VWF: variants seen among roughly 807,000 people sequenced by gnomAD.
The protein encoded by VWF is von Willebrand factor, also known as Factor VIII related antigen.
A neutral mutation model predicts 308.6 loss-of-function variants in VWF; 176 were observed. That is an observed-to-expected ratio of 0.57 (90% CI 0.50 to 0.65). The LOEUF (loss-of-function observed/expected upper bound fraction) is 0.65. VWF is among the 30% of genes least tolerant of loss of function. The pLI is 0.00. For missense variants in VWF, 3,146 were observed against 3,648.2 expected (o/e 0.86, Z 3.55); for synonymous variants, 1,385 against 1,443.4 (o/e 0.96, Z 0.92).
In VWF at chr12:5,992,644, A is replaced by G. The variant is rs371971688; in HGVS notation, c.6599-626T>C. Among the ~76,000 whole-genome samples, 4 of 152,322 alleles carry G rather than the reference A, an allele frequency of 2.6e-5. 1 individual carries two copies. On this transcript the variant is annotated intron_variant, in intron 37 of 51. Coordinates refer to ENST00000261405, the MANE Select transcript of VWF (RefSeq NM_000552.5). ...CATATGTCTTTTATGCTTGAAAAGCATCTTTAAATTAGGAATACACAGCTT... is the reference window on the plus strand; with the variant it reads ...CATATGTCTTTTATGCTTGAAAAGCGTCTTTAAATTAGGAATACACAGCTT...
intron 17 of VWF, among the ~76,000 whole-genome samples, chr12:6,045,997 C>G (rs937405205): frequency 6.6e-6 from 1 of 152,094 alleles, no homozygotes; most frequent in Non-Finnish European, 1.5e-5. Context: ...CCGAGGCAGG[C>G]AGATCACTTG....
At chr12:6,096,215 C>G (rs1344761421) in intron 5 of VWF, among the ~76,000 whole-genome samples, 1 of 152,088 alleles carries the variant, frequency 6.6e-6, no homozygotes, top group Non-Finnish European at 1.5e-5. Context: ...TGCCCTTTCC[C>G]TGTCACTTCT....
chr12:5,971,014 G>A (rs1258519141), intron 44 of VWF, among the ~76,000 whole-genome samples: 1 of 152,238 alleles, frequency 6.6e-6, no homozygotes, highest in Non-Finnish European at 1.5e-5. Flanking sequence ...GGGGACAGCT[G>A]AACTGCTCTG....
At chr12:6,111,089 A>G in intron 3 of VWF, 121 bp from the exon 4 acceptor site, 1 of 855,928 alleles carries the variant, frequency 1.2e-6, no homozygotes, top group East Asian at 2.7e-5. Context: ...AAGTCTTTAC[A>G]AGCGAGCAAC....
chr12:6,073,055 C>T (rs1055704294), intron 8 of VWF, among the ~76,000 whole-genome samples: 2 of 152,000 alleles, frequency 1.3e-5, no homozygotes, highest in South Asian at 2.1e-4. Context: ...TTAGTGGAGA[C>T]GGGATTTCAC....
chr12:6,033,075 C>G (rs544507625), intron 20 of VWF, among the ~76,000 whole-genome samples: 39 of 152,326 alleles, frequency 2.6e-4, no homozygotes, highest in Admixed American at 6.5e-4. Context: ...TACATATGTC[C>G]ATACAACACA....
At chr12:6,099,764 C>T (rs1414718928) in intron 5 of VWF, among the ~76,000 whole-genome samples, 8 of 151,986 alleles carry the variant, frequency 5.3e-5, no homozygotes, top group Admixed American at 6.6e-5. Flanking sequence ...AAGACTTAAA[C>T]GTTAGACCTA....
chr12:6,019,777 A>C lies in VWF; in HGVS notation c.3675-34T>G, dbSNP rs1289523469. 2.5e-6 allele frequency: 4 copies of C among 1,583,168 alleles called. No homozygotes were observed. Among genetic ancestry groups the C allele is most frequent in the Non-Finnish European group, 2.6e-6 (3 of 1,165,766 alleles). ...AAGAGCGAAGAAATTAAAATGGTTC[A>C]GGAAGAACCTGTGGACACTTCTGAG... is the stretch of plus-strand genomic sequence containing the variant. On this transcript the variant is annotated intron_variant, in intron 27 of 51. Transcript: ENST00000261405. The surrounding 1 kb of genome is among the most constrained non-coding windows in gnomAD (Gnocchi z 5.8).
At chr12:6,115,823 A>G (rs966250152) in intron 3 of VWF, among the ~76,000 whole-genome samples, 1 of 152,226 alleles carries the variant, frequency 6.6e-6, no homozygotes, top group Middle Eastern at 3.4e-3. Context: ...TGACAACCCA[A>G]AATGTCTCCA....
Position 5,971,484 on chromosome 12 carries a change from T to G in VWF, c.7548+115A>C. On this transcript the variant is annotated intron_variant, in intron 44 of 51. Coordinates refer to ENST00000261405, the MANE Select transcript of VWF (RefSeq NM_000552.5). ...CATCTGGATAACACCAACAGCTGGG[T>G]GAAATGCCCAGTGGGGAAAGCAAAG... 7 of 847,878 alleles carry G rather than the reference T, an allele frequency of 8.3e-6. No homozygotes were observed. In the Admixed American group the frequency reaches 1.3e-4, roughly 16 times the overall value. The allele number at this position is 847,878 out of a possible 1,614,324, so 52.5% of individuals were successfully genotyped here. A position where few individuals can be genotyped will look rare whatever the true frequency, so the allele number is the denominator to read the frequency against.
rs1271236214 is a variant in VWF, at chr12:6,025,958, A to G, written c.3056T>C (p.Val1019Ala). 6.2e-7 allele frequency: 1 copy of G among 1,613,884 alleles called. No individual in the cohort carries two copies. The highest frequency in any genetic ancestry group is 1.3e-5 in the African/African-American group (1 of 74,932). ...CACTTTCCAGGAGTTCCCAAAGTCC[A>G]CAGGGTCTTCCTCCACTTGGAGGTT... is the stretch of plus-strand genomic sequence containing the variant. ...SSNLQVEEDP[V>A]DFGNSWKVSS... The change falls in exon 23 of 52, where the codon GTG (valine) becomes GCG (alanine). Residue 1019 changes from valine to alanine, a missense_variant. This residue lies in a region of VWF where 853 missense variants were observed against 1,177.8 expected (regional missense o/e 0.72). Coordinates refer to ENST00000261405, the MANE Select transcript of VWF (RefSeq NM_000552.5).
intron 48 of VWF, 33 bp downstream of exon 48, chr12:5,953,463 T>C: frequency 1.9e-6 from 3 of 1,588,634 alleles, no homozygotes; most frequent in Non-Finnish European, 1.7e-6. Flanking sequence ...GATGGTGATA[T>C]GTGAGGGAGC....
chr12:6,108,764 G>A (rs781269123), intron 5 of VWF, among the ~76,000 whole-genome samples: 8 of 151,966 alleles, frequency 5.3e-5, no homozygotes, highest in Non-Finnish European at 8.8e-5. Context: ...GGCAGATCAC[G>A]AGGTCAGGAG....
chr12:6,123,099 G>C (rs773130776), intron 2 of VWF, 43 bp downstream of exon 2: 1 of 1,612,114 alleles, frequency 6.2e-7, no homozygotes, highest in Non-Finnish European at 8.5e-7. Context: ...ACTCCAGATG[G>C]CCCTGGGGCA....
intron 18 of VWF, among the ~76,000 whole-genome samples, chr12:6,038,204 T>C (rs1331694129): frequency 6.6e-6 from 1 of 152,214 alleles, no homozygotes; most frequent in African/African-American, 2.4e-5. Context: ...TTAGGGTTCA[T>C]GTCCACATCG....
chr12:6,087,838 A>G (rs969761798), intron 6 of VWF, among the ~76,000 whole-genome samples: 1 of 152,114 alleles, frequency 6.6e-6, no homozygotes, highest in African/African-American at 2.4e-5. Flanking sequence ...AATTTCTTCC[A>G]CTTCAGACAG....
chr12:6,096,337 G>A (rs1326644147), intron 5 of VWF, among the ~76,000 whole-genome samples: 1 of 152,082 alleles, frequency 6.6e-6, no homozygotes, highest in Non-Finnish European at 1.5e-5. Context: ...CTGCCTCCAG[G>A]TGTGGTCCTG....
At chr12:5,977,584 T>C (rs1943545272) in intron 42 of VWF, among the ~76,000 whole-genome samples, 1 of 152,112 alleles carries the variant, frequency 6.6e-6, no homozygotes, top group Non-Finnish European at 1.5e-5. Flanking sequence ...ATAAAAATTA[T>C]AAAGGCTGGG....
rs182126377 is a variant in VWF, at chr12:5,979,517, C to T, written c.7287+2269G>A. On this transcript the variant is annotated intron_variant, in intron 42 of 51. Transcript: ENST00000261405. ...CTGTAATCCCAGCACTTTGGGAGGTCGAGGCGGGTGGATCACAAGGTCAAG... is the reference window on the plus strand; with the variant it reads ...CTGTAATCCCAGCACTTTGGGAGGTTGAGGCGGGTGGATCACAAGGTCAAG... Among the ~76,000 whole-genome samples the T allele has an allele frequency of 2.0e-3, 302 of 149,598 alleles. 3 individuals carry two copies. The highest frequency in any genetic ancestry group is 6.5e-3 in the African/African-American group (262 of 40,580).
Sources: gnomAD v4.1 joint callset for allele counts (sites outside exome capture counted in the v4.1 genomes callset) on GRCh38, gnomAD v4.1.1 for gene constraint, gnomAD v4.1.1 regional missense constraint, Gnocchi (gnomAD v3.1) non-coding constraint, MANE v1.5 for transcripts, NCBI Gene and HGNC (gene_info 2026-07-23, HGNC 2026-07-21) for gene names.